The following TSC2 variants were observed in gnomAD, a reference collection of about 807,000 sequenced individuals.
TSC2 encodes TSC complex subunit 2, also known as tuberin.
TSC2 carries 29 observed loss-of-function variants against 202.2 expected under a neutral mutation model. The ratio of observed to expected loss-of-function variants is 0.14; its 90% confidence interval spans 0.11 to 0.20. The LOEUF is 0.20. Among genes scored for constraint, TSC2 ranks in the 10% least tolerant of loss-of-function variants. TSC2 has a pLI of 1.00. For synonymous variants in TSC2, 1,349 were observed against 1,044.0 expected (o/e 1.29, Z -5.63); for missense variants, 2,429 against 2,420.0 (o/e 1.00, Z -0.08).
rs2085502098 is a variant in TSC2 at position 2,054,336 on chromosome 16, T to C, written c.377T>C (p.Val126Ala). 1.2e-6 allele frequency: 2 copies of C among 1,614,152 alleles called. No homozygotes were observed. The highest frequency in any genetic ancestry group is 2.2e-5 in the East Asian group (1 of 44,880). ...GTCCTCAGAGCCCTCTTCTTTAAGG[T>C]CATCAAGGATTACCCTTCCAACGAA... is the stretch of plus-strand genomic sequence containing the variant. ...LGVLRALFFK[V>A]IKDYPSNEDL... The change falls in exon 5 of 42, where the codon GTC becomes GCC. Residue 126 changes from valine to alanine, a missense_variant. Coordinates refer to ENST00000219476, the MANE Select transcript of TSC2 (RefSeq NM_000548.5).
chr16:2,052,178 C>T (rs947909014), intron 3 of TSC2, among the ~76,000 whole-genome samples: 12 of 149,110 alleles, frequency 8.0e-5, no homozygotes, highest in African/African-American at 3.0e-4. Context: ...GTCCCGGGCC[C>T]TGTGTCCACG....
intron 21 of TSC2, 112 bp from the exon 22 acceptor site, chr16:2,074,088 G>A: frequency 2.2e-6 from 3 of 1,394,540 alleles, no homozygotes; most frequent in South Asian, 2.4e-5. Flanking sequence ...GGCATTCAGG[G>A]ACTTGCTAAG....
chr16:2,070,923 CAGGGCAGAGCTGAG>C (rs931312293), intron 17 of TSC2, among the ~76,000 whole-genome samples: 44 of 152,062 alleles, frequency 2.9e-4, no homozygotes, highest in South Asian at 2.3e-3. Flanking sequence ...GTGGGCGGCA[CAGGGCAGAGCTGAG>C]AGGGCAGAGC....
chr16:2,051,529 C>G (rs778313413), intron 3 of TSC2, among the ~76,000 whole-genome samples: 6 of 152,100 alleles, frequency 3.9e-5, no homozygotes, highest in African/African-American at 9.7e-5. Flanking sequence ...TTATTTTGGG[C>G]AAACATTGCC....
chr16:2,063,026 G>C lies in TSC2; in HGVS notation c.1416G>C (p.Val472=). The C allele has an allele frequency of 6.4e-7, 1 of 1,551,528 alleles. No homozygotes were observed. The change falls in exon 14 of 42, where the codon GTG becomes GTC. Residue 472 remains valine, a synonymous_variant. Coordinates refer to ENST00000219476, the MANE Select transcript of TSC2 (RefSeq NM_000548.5). ...AGGTGCTGGACGTGCTGTCCTTTGT[G>C]CTGCTCATCAACAGGCAGTTCTATG... ...RIKVLDVLSF[V]LLINRQFYEE...
chr16:2,070,837 T>C (rs1374826038), intron 17 of TSC2, among the ~76,000 whole-genome samples: 1 of 152,160 alleles, frequency 6.6e-6, no homozygotes, highest in East Asian at 1.9e-4. Context: ...GCACGGCGAC[T>C]TCCGGGGCAG....
chr16:2,063,144 G>A, intron 14 of TSC2, 91 bp downstream of exon 14: 1 of 1,469,180 alleles, frequency 6.8e-7, no homozygotes. Flanking sequence ...GCAGAGCCGG[G>A]CTCTGCCTGG....
At chr16:2,073,657 A>G (rs2088833509) in intron 21 of TSC2, among the ~76,000 whole-genome samples, 1 of 152,172 alleles carries the variant, frequency 6.6e-6, no homozygotes, top group African/African-American at 2.4e-5. Flanking sequence ...TGAGAGGCTC[A>G]CTGGGTCCTC....
At chr16:2,082,334 C>G (rs2090241879) in intron 31 of TSC2, 102 bp from the exon 32 acceptor site, 2 of 1,411,500 alleles carry the variant, frequency 1.4e-6, no homozygotes, top group Admixed American at 1.7e-5. Context: ...GGCCGCTGGC[C>G]CTGCCCTCTC....
chr16:2,080,446 G>A, intron 30 of TSC2, 69 bp downstream of exon 30: 2 of 1,567,400 alleles, frequency 1.3e-6, no homozygotes, highest in Non-Finnish European at 1.7e-6. Context: ...ACACTCAGGG[G>A]CGATTGCAGA....
chr16:2,072,115 C>T, intron 19 of TSC2, 126 bp from the exon 20 acceptor site: 2 of 1,560,996 alleles, frequency 1.3e-6, no homozygotes, highest in Admixed American at 1.8e-5. Flanking sequence ...GCAGGCTCCC[C>T]CGGCTGAGAA....
At chr16:2,088,016 C>CT in intron 39 of TSC2, 32 bp from the exon 40 acceptor site, 1 of 1,612,822 alleles carries the variant, frequency 6.2e-7, no homozygotes, top group South Asian at 1.1e-5. Flanking sequence ...GCCAAGAGCC[C>CT]TGGGCCTGGC....
chr16:2,084,739 G>T, intron 34 of TSC2, 24 bp downstream of exon 34: 1 of 1,598,420 alleles, frequency 6.3e-7, no homozygotes, highest in South Asian at 1.1e-5. Context: ...TTCCGGGCGG[G>T]GCTCCTGACA....
At chr16:2,061,698 C>T (rs1276145320) in intron 11 of TSC2, 173 bp from the exon 12 acceptor site, 5 of 1,089,528 alleles carry the variant, frequency 4.6e-6, no homozygotes, top group Non-Finnish European at 5.4e-6. Flanking sequence ...GGTGTCTCAA[C>T]CCATGAGGCC....
intron 12 of TSC2, 133 bp downstream of exon 12, chr16:2,062,141 C>T (rs995245697): frequency 7.6e-5 from 102 of 1,334,008 alleles, no homozygotes; most frequent in Non-Finnish European, 9.4e-5. Context: ...TTTCTGCACT[C>T]GGCAGGGAAG....
chr16:2,080,665 T>C (rs1434987625), intron 30 of TSC2: 9 of 418,056 alleles, frequency 2.2e-5, no homozygotes, highest in Admixed American at 1.8e-4. Flanking sequence ...TTTGTATTTC[T>C]AGTAGAGATG....
In TSC2 at chr16:2,060,723, C is replaced by T. The variant is rs45468201; in HGVS notation, c.1029C>T (p.Thr343=). The T allele has an allele frequency of 1.9e-6, 3 of 1,614,096 alleles. No individual in the cohort carries two copies. Among genetic ancestry groups the T allele is most frequent in the Non-Finnish European group, 2.5e-6 (3 of 1,179,990 alleles). ...VVSYEIVLSI[T]RLIKKYRKEL... is the part of the protein sequence containing the mutation. ...CCTATGAGATCGTCCTGTCCATCAC[C>T]AGGCTCATCAAGAAGTATAGGAAGG... The change falls in exon 11 of 42, where the codon ACC becomes ACT. Residue 343 remains threonine, a synonymous_variant. Coordinates refer to ENST00000219476, the MANE Select transcript of TSC2 (RefSeq NM_000548.5).
intron 3 of TSC2, among the ~76,000 whole-genome samples, chr16:2,051,316 T>C (rs1324964624): frequency 6.8e-6 from 1 of 147,336 alleles, no homozygotes; most frequent in African/African-American, 2.5e-5. Context: ...CAAGACTCTG[T>C]CTCAAAAAAA....
chr16:2,077,092 C>T (rs2089495084), intron 25 of TSC2, among the ~76,000 whole-genome samples: 1 of 152,262 alleles, frequency 6.6e-6, no homozygotes, highest in African/African-American at 2.4e-5. Flanking sequence ...GTGACCTCAA[C>T]TCGGAAGCTG....
Sources: gnomAD v4.1 joint callset for allele counts (sites outside exome capture counted in the v4.1 genomes callset) on GRCh38, gnomAD v4.1.1 for gene constraint, MANE v1.5 for transcripts, NCBI Gene and HGNC (gene_info 2026-07-23, HGNC 2026-07-21) for gene names.